Variants in SDK1 observed in about 807,000 individuals in gnomAD.
SDK1 encodes the protein protein sidekick-1.
Under a neutral mutation model 245.5 loss-of-function variants are expected in SDK1, and 157 were observed. The ratio of observed to expected loss-of-function variants is 0.64; its 90% CI spans 0.56 to 0.73. The LOEUF (loss-of-function observed/expected upper bound fraction) is 0.73, where lower values mean the gene tolerates loss of function less well. SDK1 is among the 30% of genes least tolerant of loss of function. The pLI is 0.00. For missense variants in SDK1, 3,583 were observed against 3,002.3 expected, an observed-to-expected ratio of 1.19 and a Z score of -4.52; for synonymous variants, 1,647 against 1,278.5, an observed-to-expected ratio of 1.29 and a Z score of -6.15.
chr7:4,237,906 T>G, intron 42 of SDK1, 122 bp downstream of exon 42: 1 of 1,181,514 alleles, frequency 8.5e-7, no homozygotes, highest in South Asian at 1.5e-5. Flanking sequence ...TTGTAGGTGC[T>G]GAGAGAAATG....
chr7:3,772,082 T>A (rs1374936767), intron 4 of SDK1, among the ~76,000 whole-genome samples: 2 of 152,228 alleles, frequency 1.3e-5, no homozygotes, highest in Non-Finnish European at 2.9e-5. Flanking sequence ...GAAGCCTGTG[T>A]CAGACTTTCC....
intron 1 of SDK1, among the ~76,000 whole-genome samples, chr7:3,310,504 G>T (rs748963557): frequency 2.0e-5 from 3 of 152,174 alleles, no homozygotes; most frequent in Non-Finnish European, 4.4e-5. Flanking sequence ...TTGGTCATGG[G>T]TTGGGTATGG....
intron 1 of SDK1, among the ~76,000 whole-genome samples, chr7:3,311,543 CT>C (rs1779550591): frequency 6.6e-6 from 1 of 152,030 alleles, no homozygotes; most frequent in Non-Finnish European, 1.5e-5. Flanking sequence ...CTTAAAATAC[CT>C]TGGGAATATT....
At chr7:3,792,495 C>G (rs1562446827) in intron 4 of SDK1, among the ~76,000 whole-genome samples, 1 of 152,344 alleles carries the variant, frequency 6.6e-6, no homozygotes, top group South Asian at 2.1e-4. Context: ...GAAAACTAAC[C>G]TGTGTCATTC....
At chr7:3,678,255 A>G (rs75213624) in intron 4 of SDK1, among the ~76,000 whole-genome samples, 1,751 of 152,312 alleles carry the variant, frequency 0.011, 20 homozygotes, top group Middle Eastern at 0.027. Context: ...ATTAACAGCA[A>G]TTTCACATCT....
Position 4,033,834 on chromosome 7 carries a change from C to G in SDK1, c.2603-15514C>G, listed in dbSNP as rs28591614. On this transcript the variant is annotated intron_variant, in intron 17 of 44. Coordinates refer to ENST00000404826, the MANE Select transcript of SDK1 (RefSeq NM_152744.4). ...GGGGGAGGGGGAAGAGGCATTGCTGCTAGGAATGCAATGATACAACCCCTA... is the reference window on the plus strand; with the variant it reads ...GGGGGAGGGGGAAGAGGCATTGCTGGTAGGAATGCAATGATACAACCCCTA... 2.0e-5 allele frequency among the ~76,000 whole-genome samples: 3 copies of G among 151,898 alleles called. No homozygotes were observed. In the East Asian group the frequency reaches 5.8e-4, roughly 29 times the overall value.
intron 4 of SDK1, among the ~76,000 whole-genome samples, chr7:3,768,826 C>A (rs1448819423): frequency 6.6e-6 from 1 of 152,178 alleles, no homozygotes; most frequent in Non-Finnish European, 1.5e-5. Context: ...TCTCCATGAC[C>A]CAAATTGTCA....
At chr7:3,649,440 T>C (rs1782941239) in intron 4 of SDK1, among the ~76,000 whole-genome samples, 4 of 151,946 alleles carry the variant, frequency 2.6e-5, no homozygotes, top group Non-Finnish European at 5.9e-5. Flanking sequence ...AGCTCTGCCC[T>C]CCTGCTTGTC....
chr7:3,593,919 G>C (rs1583206162), intron 1 of SDK1, among the ~76,000 whole-genome samples: 4 of 152,128 alleles, frequency 2.6e-5, no homozygotes, highest in African/African-American at 7.2e-5. Context: ...ATAAACTGTT[G>C]TTTCCTAAAT....
At chr7:4,071,610 T>C (rs1780261956) in intron 20 of SDK1, among the ~76,000 whole-genome samples, 1 of 152,222 alleles carries the variant, frequency 6.6e-6, no homozygotes, top group Admixed American at 6.5e-5. Flanking sequence ...CCTAGTTTAA[T>C]CTTGCTTTAA....
chr7:4,170,887 G>A (rs542719435), intron 32 of SDK1, among the ~76,000 whole-genome samples: 12 of 152,082 alleles, frequency 7.9e-5, no homozygotes, highest in South Asian at 2.1e-4. Context: ...GACTGTTGCC[G>A]GCGTCCCAAA....
chr7:4,265,381 G>T lies in SDK1; in HGVS notation c.6639G>T (p.Val2213=). Residue 2213 remains valine (V), a synonymous_variant, in exon 45 of 45, where the codon GTG becomes GTT. Coordinates refer to ENST00000404826, the MANE Select transcript of SDK1 (RefSeq NM_152744.4). ...RTPLTGFSSF[V] Reference sequence around the variant, plus strand: ...CGCTCACCGGCTTCTCCTCCTTCGTGTGAGCAAAGCGCCGCGCCTCCCTCA... The same window carrying T: ...CGCTCACCGGCTTCTCCTCCTTCGTTTGAGCAAAGCGCCGCGCCTCCCTCA... The T allele has an allele frequency of 7.0e-7, 1 of 1,435,364 alleles. No individual in the cohort carries two copies. Among genetic ancestry groups the T allele is most frequent in the Non-Finnish European group, 9.0e-7 (1 of 1,106,274 alleles). 88.9% of individuals were successfully genotyped at this position (1,435,364 alleles called of 1,614,324 possible).
At chr7:3,675,714 A>T (rs943597555) in intron 4 of SDK1, among the ~76,000 whole-genome samples, 2 of 152,148 alleles carry the variant, frequency 1.3e-5, no homozygotes, top group African/African-American at 4.8e-5. Context: ...ATTTTTGTAG[A>T]AACTGAGTCT....
rs540514920 is a variant in SDK1 at position 3,705,532 on chromosome 7, G to C, written c.713+63427G>C. 1.5e-4 allele frequency among the ~76,000 whole-genome samples: 22 copies of C among 149,658 alleles called. No homozygotes were observed. The East Asian group carries it at 4.3e-3, about 29-fold the overall frequency. On this transcript the variant is annotated intron_variant, in intron 4 of 44. Coordinates refer to ENST00000404826, the MANE Select transcript of SDK1 (RefSeq NM_152744.4). ...TTGCAGCTTTTGTAAAAGGGATTGA[G>C]TTCATGATTTGAGTCTCAGTTTGGT...
chr7:3,511,603 T>C (rs1782579786), intron 1 of SDK1, among the ~76,000 whole-genome samples: 1 of 152,192 alleles, frequency 6.6e-6, no homozygotes, highest in Admixed American at 6.5e-5. Context: ...TTGATCTTTC[T>C]AACCCTCTAG....
At position 3,777,346 on chromosome 7, in the gene SDK1, C is replaced by A. The variant is rs10231172; in HGVS notation, c.714-44104C>A. Reference sequence around the variant, plus strand: ...TCCTAAGCCTTTTTCCAAATAGTTGCATGTTTGAGGAAGACTTTATGGCTA... The same window carrying A: ...TCCTAAGCCTTTTTCCAAATAGTTGAATGTTTGAGGAAGACTTTATGGCTA... On this transcript the variant is annotated intron_variant, in intron 4 of 44. Transcript: ENST00000404826. 5.5e-3 allele frequency among the ~76,000 whole-genome samples: 840 copies of A among 152,296 alleles called. 9 individuals are homozygous for A. Among genetic ancestry groups the A allele is most frequent in the African/African-American group, 0.019 (807 of 41,562 alleles).
rs144379851 is a variant in SDK1, at chr7:3,340,578, C to T, written c.298+38694C>T. Reference sequence around the variant, plus strand: ...GAGATCGAGACCATCCTGGCTAACACGGTGAAACCCCGTCTCTACTAAAAA... The same window carrying T: ...GAGATCGAGACCATCCTGGCTAACATGGTGAAACCCCGTCTCTACTAAAAA... On this transcript the variant is annotated intron_variant, in intron 1 of 44. Coordinates refer to ENST00000404826, the MANE Select transcript of SDK1 (RefSeq NM_152744.4). Among the ~76,000 whole-genome samples, 433 of 152,130 alleles carry T rather than the reference C, an allele frequency of 2.8e-3. 15 individuals carry two copies. The East Asian group carries it at 0.077, about 27-fold the overall frequency.
rs984978865 is a variant in SDK1, at chr7:3,674,469, G to A, written c.713+32364G>A. Among the ~76,000 whole-genome samples the A allele has an allele frequency of 2.0e-5, 3 of 152,100 alleles. No individual in the cohort carries two copies. In the East Asian group the frequency reaches 5.8e-4, roughly 29 times the overall value. On this transcript the variant is annotated intron_variant, in intron 4 of 44. Coordinates refer to ENST00000404826, the MANE Select transcript of SDK1 (RefSeq NM_152744.4). The stretch of plus-strand genomic sequence containing the variant: ...TAGAGGAGAGGGTGACAATACAGGG[G>A]CCTTTGCTGAGGCTGGTCTTTGAGT...
At chr7:3,717,242 G>T (rs554417255) in intron 4 of SDK1, among the ~76,000 whole-genome samples, 207 of 152,250 alleles carry the variant, frequency 1.4e-3, no homozygotes, top group Non-Finnish European at 2.5e-3. Context: ...GAAATGCATA[G>T]TATGTTCTGT....
Sources: gnomAD v4.1 joint callset for allele counts (sites outside exome capture counted in the v4.1 genomes callset) on GRCh38, gnomAD v4.1.1 for gene constraint, MANE v1.5 for transcripts, NCBI Gene and HGNC (gene_info 2026-07-23, HGNC 2026-07-21) for gene names.